STAU2: variants seen among roughly 807,000 people sequenced by gnomAD.
The protein encoded by STAU2 is double-stranded RNA-binding protein Staufen homolog 2.
Under a neutral mutation model 65.9 loss-of-function variants are expected in STAU2, and 20 were observed. The observed-to-expected ratio is 0.30, with a 90% CI of 0.21 to 0.44. STAU2 has a LOEUF of 0.44. STAU2 is among the 20% of genes least tolerant of loss of function. STAU2 has a pLI of 1.00. For missense variants in STAU2, 558 were observed against 683.9 expected, an observed-to-expected ratio of 0.82 and a Z score of 2.05; for synonymous variants, 232 against 233.9, an observed-to-expected ratio of 0.99 and a Z score of 0.07.
At chr8:73,631,995 G>T (rs553110481) in intron 6 of STAU2, among the ~76,000 whole-genome samples, 5 of 151,644 alleles carry the variant, frequency 3.3e-5, no homozygotes, top group South Asian at 2.1e-4. Flanking sequence ...AGGCAAGAAG[G>T]GGGGAGGAGA....
chr8:73,621,183 G>C (rs977555357), intron 6 of STAU2, among the ~76,000 whole-genome samples: 2 of 152,126 alleles, frequency 1.3e-5, no homozygotes, highest in Non-Finnish European at 2.9e-5. Flanking sequence ...TCGTGGGAGG[G>C]ACCTGGTTGG....
intron 1 of STAU2, among the ~76,000 whole-genome samples, chr8:73,744,112 G>C (rs1488507534): frequency 6.6e-6 from 1 of 152,024 alleles, no homozygotes; most frequent in African/African-American, 2.4e-5. Context: ...AAAAATAAAA[G>C]ATTTGCCTTC....
chr8:73,551,047 A>G (rs961177850), intron 13 of STAU2: 6 of 986,640 alleles, frequency 6.1e-6, no homozygotes, highest in Non-Finnish European at 7.2e-6. Flanking sequence ...GGAGATGAAA[A>G]CAGTGAAATC....
intron 13 of STAU2, chr8:73,527,648 G>A (rs1456041771): frequency 4.0e-5 from 58 of 1,454,340 alleles, no homozygotes; most frequent in South Asian, 4.9e-5. Flanking sequence ...TTCCATTTCC[G>A]AGCTGGGCCA....
At chr8:73,580,812 G>A (rs565144667) in intron 12 of STAU2, among the ~76,000 whole-genome samples, 1 of 152,232 alleles carries the variant, frequency 6.6e-6, no homozygotes, top group South Asian at 2.1e-4. Flanking sequence ...TCCAAGGAAG[G>A]GACAATCCAG....
intron 10 of STAU2, among the ~76,000 whole-genome samples, chr8:73,602,296 A>G (rs575472364): frequency 6.6e-6 from 1 of 152,350 alleles, no homozygotes; most frequent in South Asian, 2.1e-4. Flanking sequence ...ACTGTATTTG[A>G]GTGCCAAAAT....
intron 9 of STAU2, among the ~76,000 whole-genome samples, chr8:73,604,085 C>G (rs752838319): frequency 3.9e-5 from 6 of 152,112 alleles, no homozygotes; most frequent in Non-Finnish European, 8.8e-5. Context: ...GGCAAGGTGT[C>G]AACTATGCTT....
chr8:73,720,270 C>CA (rs145378789), intron 3 of STAU2, among the ~76,000 whole-genome samples: 7 of 139,764 alleles, frequency 5.0e-5, no homozygotes, highest in Admixed American at 7.0e-5. Flanking sequence ...GACCCTGTCT[C>CA]AAAAAAAAAG....
At chr8:73,493,885 T>C (rs1337819778) in intron 13 of STAU2, among the ~76,000 whole-genome samples, 1 of 151,824 alleles carries the variant, frequency 6.6e-6, no homozygotes, top group South Asian at 2.1e-4. Flanking sequence ...ATTTATGCAA[T>C]GAAATACTAT....
chr8:73,556,420 T>C (rs1807766695), intron 12 of STAU2, among the ~76,000 whole-genome samples: 1 of 152,144 alleles, frequency 6.6e-6, no homozygotes, highest in African/African-American at 2.4e-5. Flanking sequence ...CACAGAGATA[T>C]ATGAAAGTAT....
At chr8:73,582,734 A>G in intron 12 of STAU2, 36 bp downstream of exon 12, 1 of 1,604,810 alleles carries the variant, frequency 6.2e-7, no homozygotes, top group Non-Finnish European at 8.5e-7. Context: ...CCACTGATGA[A>G]CACCAAGTGC....
intron 2 of STAU2, among the ~76,000 whole-genome samples, chr8:73,739,396 AAC>A (rs1183972615): frequency 6.6e-6 from 1 of 152,110 alleles, no homozygotes; most frequent in Non-Finnish European, 1.5e-5. Context: ...CTAAAGCAAC[AAC>A]ACAATTGTGA....
intron 13 of STAU2, among the ~76,000 whole-genome samples, chr8:73,432,069 G>A (rs1268635827): frequency 6.6e-6 from 1 of 151,514 alleles, no homozygotes; most frequent in Non-Finnish European, 1.5e-5. Flanking sequence ...CCCCACTGAC[G>A]TCATATTCTG....
At chr8:73,632,369 G>A (rs1183309468) in intron 6 of STAU2, among the ~76,000 whole-genome samples, 1 of 152,044 alleles carries the variant, frequency 6.6e-6, no homozygotes, top group African/African-American at 2.4e-5. Flanking sequence ...CAAACCCAGT[G>A]TATATAAGGT....
chr8:73,676,344 G>A (rs1053662558), intron 5 of STAU2, among the ~76,000 whole-genome samples: 1 of 152,158 alleles, frequency 6.6e-6, no homozygotes, highest in African/African-American at 2.4e-5. Context: ...TGGATTAAAT[G>A]AATGTCCATA....
At chr8:73,421,827 T>A (rs143205983) in intron 14 of STAU2, among the ~76,000 whole-genome samples, 122 of 152,338 alleles carry the variant, frequency 8.0e-4, no homozygotes, top group Non-Finnish European at 1.5e-3. Flanking sequence ...TTTTACTTCC[T>A]GGGTTGACTA....
intron 13 of STAU2, among the ~76,000 whole-genome samples, chr8:73,437,209 T>A (rs1173792699): frequency 6.6e-6 from 1 of 152,188 alleles, no homozygotes; most frequent in Non-Finnish European, 1.5e-5. Flanking sequence ...GTATGTTACT[T>A]TACCTGGCAA....
intron 3 of STAU2, among the ~76,000 whole-genome samples, chr8:73,726,524 T>A (rs191959891): frequency 1.3e-5 from 2 of 152,332 alleles, no homozygotes; most frequent in African/African-American, 4.8e-5. Flanking sequence ...CCACTCGATA[T>A]TTCCCACAGC....
chr8:73,550,580 C>T, intron 13 of STAU2: 2 of 978,406 alleles, frequency 2.0e-6, no homozygotes, highest in Non-Finnish European at 1.2e-6. Context: ...CTAATTCATC[C>T]TACGGAGATT....
Sources: gnomAD v4.1 joint callset for allele counts (sites outside exome capture counted in the v4.1 genomes callset) on GRCh38, gnomAD v4.1.1 for gene constraint, MANE v1.5 for transcripts, NCBI Gene and HGNC (gene_info 2026-07-23, HGNC 2026-07-21) for gene names.